SCAF4: variants seen among roughly 807,000 people sequenced by gnomAD.
SCAF4 encodes the protein SR-related and CTD-associated factor 4.
A neutral mutation model predicts 129.8 loss-of-function variants in SCAF4; 25 were observed. That is an observed-to-expected ratio of 0.19 (90% CI 0.14 to 0.27). The LOEUF (loss-of-function observed/expected upper bound fraction) is 0.27. SCAF4 is among the 10% of genes least tolerant of loss of function. SCAF4 has a pLI of 1.00. For missense variants in SCAF4, 1,246 were observed against 1,457.1 expected, an observed-to-expected ratio of 0.86 and a Z score of 2.36; for synonymous variants, 551 against 497.7, an observed-to-expected ratio of 1.11 and a Z score of -1.43.
At chr21:31,700,741 C>CT (rs79606547) in intron 7 of SCAF4, 15,489 of 289,724 alleles carry the variant, frequency 0.053, 881 homozygotes, top group African/African-American at 0.22. Flanking sequence ...CTAACTTTTT[C>CT]TTTTTTTTTT....
intron 18 of SCAF4, 72 bp downstream of exon 18, chr21:31,685,326 T>C (rs1346854475): frequency 2.0e-6 from 3 of 1,500,096 alleles, no homozygotes; most frequent in Admixed American, 1.7e-5. Flanking sequence ...ATAGATCCTA[T>C]TACCGCTTCA....
intron 10 of SCAF4, 121 bp downstream of exon 10, chr21:31,694,692 T>A (rs2050341323): frequency 1.1e-6 from 1 of 950,770 alleles, no homozygotes; most frequent in Non-Finnish European, 1.6e-6. Context: ...CTGAGAGGGT[T>A]TAATATGTAC....
intron 19 of SCAF4, among the ~76,000 whole-genome samples, chr21:31,682,263 C>T (rs1208930999): frequency 6.6e-6 from 1 of 151,944 alleles, no homozygotes; most frequent in Non-Finnish European, 1.5e-5. Context: ...CCTGTAGTCC[C>T]AGCTACTTGG....
At chr21:31,719,568 G>T (rs1008113079) in intron 1 of SCAF4, among the ~76,000 whole-genome samples, 1 of 151,932 alleles carries the variant, frequency 6.6e-6, no homozygotes, top group Non-Finnish European at 1.5e-5. Context: ...GCAATGGTGT[G>T]ATCTCAGCGC....
chr21:31,716,970 T>C (rs1049926415), intron 1 of SCAF4, among the ~76,000 whole-genome samples: 3 of 152,116 alleles, frequency 2.0e-5, no homozygotes, highest in African/African-American at 4.8e-5. Flanking sequence ...AAGCAATTCA[T>C]TTAACAAACA....
chr21:31,718,850 T>C (rs1243999630), intron 1 of SCAF4, among the ~76,000 whole-genome samples: 1 of 152,240 alleles, frequency 6.6e-6, no homozygotes, highest in Non-Finnish European at 1.5e-5. Context: ...TCCTCCACAA[T>C]CTTGTTGACT....
intron 1 of SCAF4, among the ~76,000 whole-genome samples, chr21:31,710,312 G>A (rs940397834): frequency 1.3e-5 from 2 of 152,066 alleles, no homozygotes; most frequent in Admixed American, 6.5e-5. Flanking sequence ...ACTTTGGGAG[G>A]CCAAGGCGGG....
chr21:31,674,741 T>G (rs1338494408), intron 19 of SCAF4, among the ~76,000 whole-genome samples: 1 of 152,232 alleles, frequency 6.6e-6, no homozygotes, highest in African/African-American at 2.4e-5. Flanking sequence ...TTCATTTCAT[T>G]TGGAAATATG....
At chr21:31,691,751 A>G (rs2050264892) in intron 14 of SCAF4, 66 bp downstream of exon 14, 4 of 658,472 alleles carry the variant, frequency 6.1e-6, no homozygotes, top group Non-Finnish European at 9.7e-6. Flanking sequence ...TAGTTTTTAT[A>G]TGCCACATAT....
chr21:31,691,121 T>G (rs1206152541), intron 14 of SCAF4, among the ~76,000 whole-genome samples, 168 bp from the exon 15 acceptor site: 1 of 152,202 alleles, frequency 6.6e-6, no homozygotes, highest in Non-Finnish European at 1.5e-5. Context: ...CAGAACTGGT[T>G]ACCCTTTAAT....
chr21:31,703,657 G>A (rs1032391348), intron 4 of SCAF4, 108 bp downstream of exon 4: 7 of 581,104 alleles, frequency 1.2e-5, no homozygotes, highest in African/African-American at 5.5e-5. Context: ...CACAGACATC[G>A]CTACATGAAA....
intron 9 of SCAF4, 59 bp downstream of exon 9, chr21:31,696,054 A>C: frequency 7.9e-7 from 1 of 1,267,844 alleles, no homozygotes; most frequent in South Asian, 1.3e-5. Flanking sequence ...TGTGGAATGC[A>C]AACCATACGC....
chr21:31,709,685 A>G (rs2050753791), intron 1 of SCAF4, among the ~76,000 whole-genome samples: 1 of 152,216 alleles, frequency 6.6e-6, no homozygotes, highest in Non-Finnish European at 1.5e-5. Flanking sequence ...ATAATCTGAG[A>G]CAGCTGCAGA....
chr21:31,699,988 G>A (rs73353409), intron 7 of SCAF4, among the ~76,000 whole-genome samples: 2,609 of 151,912 alleles, frequency 0.017, 72 homozygotes, highest in African/African-American at 0.06. Flanking sequence ...GTTTTTTAGA[G>A]ACAGGATCTC....
intron 7 of SCAF4, among the ~76,000 whole-genome samples, chr21:31,698,473 C>T (rs2050440955): frequency 6.6e-6 from 1 of 152,080 alleles, no homozygotes; most frequent in East Asian, 1.9e-4. Flanking sequence ...CAGAGTTTTC[C>T]AGTTCATCTG....
intron 16 of SCAF4, 34 bp downstream of exon 16, chr21:31,688,273 A>G (rs749766676): frequency 5.6e-6 from 9 of 1,596,684 alleles, no homozygotes; most frequent in Non-Finnish European, 7.7e-6. Flanking sequence ...CCTTTCAGGC[A>G]CTTAAAGTTT....
chr21:31,685,314 C>A, intron 18 of SCAF4, 74 bp from the exon 19 acceptor site: 1 of 1,489,068 alleles, frequency 6.7e-7, no homozygotes, highest in Non-Finnish European at 9.3e-7. Context: ...TTATGCCATA[C>A]TATAGATCCT....
At chr21:31,674,083 C>T (rs1203563297) in intron 19 of SCAF4, among the ~76,000 whole-genome samples, 1 of 152,148 alleles carries the variant, frequency 6.6e-6, no homozygotes, top group African/African-American at 2.4e-5. Flanking sequence ...ATGGGAAGGT[C>T]CTACTCCTGA....
Position 31,726,892 on chromosome 21 carries a change from A to G in SCAF4, c.30+4771T>C, listed in dbSNP as rs151058195. 1.8e-3 allele frequency among the ~76,000 whole-genome samples: 280 copies of G among 152,272 alleles called. 1 individual carries two copies. The highest frequency in any genetic ancestry group is 6.5e-3 in the African/African-American group (271 of 41,542). ...CTACACTCCAGTATCAGAGAATATT[A>G]TATATTGTTTATGGACCACAGAGAT... On this transcript the variant is annotated intron_variant, in intron 1 of 19. Transcript: ENST00000286835.
Sources: allele counts gnomAD v4.1 joint callset (sites outside exome capture counted in the v4.1 genomes callset), GRCh38; gene constraint gnomAD v4.1.1; transcripts MANE v1.5; gene names NCBI Gene and HGNC (gene_info 2026-07-23, HGNC 2026-07-21).